The following B3GALT1 variants were observed in gnomAD, a reference collection of about 807,000 sequenced individuals.
B3GALT1 encodes the protein UDP-Gal:betaGlcNAc beta 1,3-galactosyltransferase, polypeptide 1.
A neutral mutation model predicts 23.2 loss-of-function variants in B3GALT1; 10 were observed. That is an observed-to-expected ratio of 0.43 (90% CI 0.27 to 0.73). The LOEUF (loss-of-function observed/expected upper bound fraction) is 0.73, where lower values mean the gene tolerates loss of function less well. B3GALT1 is among the 30% of genes least tolerant of loss of function. The pLI is 0.21. For missense variants in B3GALT1, 299 were observed against 405.4 expected, an observed-to-expected ratio of 0.74 and a Z score of 2.25; for synonymous variants, 156 against 141.5, an observed-to-expected ratio of 1.10 and a Z score of -0.73.
At chr2:167,389,009 CT>C (rs560260144) in intron 1 of B3GALT1, among the ~76,000 whole-genome samples, 2 of 152,096 alleles carry the variant, frequency 1.3e-5, no homozygotes, top group East Asian at 1.9e-4. Flanking sequence ...TGTAAATTAT[CT>C]TTTTTTTCCT....
chr2:167,494,592 A>T (rs923887205), intron 2 of B3GALT1, among the ~76,000 whole-genome samples: 2 of 152,198 alleles, frequency 1.3e-5, no homozygotes, highest in Admixed American at 1.3e-4. Flanking sequence ...AATTTCAGGT[A>T]GTTTTAATTC....
chr2:167,304,771 A>T (rs1420988312), intron 1 of B3GALT1, among the ~76,000 whole-genome samples: 2 of 152,148 alleles, frequency 1.3e-5, no homozygotes, highest in African/African-American at 4.8e-5. Flanking sequence ...GGGACCAAGA[A>T]TTCTCATAAT....
chr2:167,666,255 C>T (rs145853595), intron 3 of B3GALT1, among the ~76,000 whole-genome samples: 63,867 of 151,948 alleles, frequency 0.42, 14,760 homozygotes, highest in Non-Finnish European at 0.51. Context: ...TGTAGTTGAG[C>T]GGTTTTGAGT....
At chr2:167,653,707 G>A (rs1418177890) in intron 3 of B3GALT1, among the ~76,000 whole-genome samples, 1 of 152,082 alleles carries the variant, frequency 6.6e-6, no homozygotes, top group East Asian at 1.9e-4. Context: ...ACCCAGTGTC[G>A]AGGGTCTATG....
intron 3 of B3GALT1, among the ~76,000 whole-genome samples, chr2:167,738,469 C>T (rs560618794): frequency 2.6e-5 from 4 of 152,272 alleles, no homozygotes; most frequent in African/African-American, 9.6e-5. Context: ...AAGGTGGAAT[C>T]AGTTTCATCT....
chr2:167,415,564 G>A (rs1243182691), intron 1 of B3GALT1, among the ~76,000 whole-genome samples: 2 of 152,182 alleles, frequency 1.3e-5, no homozygotes, highest in African/African-American at 4.8e-5. Flanking sequence ...GTAATGGGCT[G>A]CAGCTACAGG....
Position 167,869,020 on chromosome 2 carries a change from A to G in B3GALT1, c.-20A>G. ...GGAGGCGTATTCTTCAATATTTGGAATAGACGTGTTCTCAAGACAATGGCT... is the reference window on the plus strand; with the variant it reads ...GGAGGCGTATTCTTCAATATTTGGAGTAGACGTGTTCTCAAGACAATGGCT... On this transcript the variant is annotated 5_prime_UTR_variant, in exon 5 of 5. Coordinates refer to ENST00000392690, the MANE Select transcript of B3GALT1 (RefSeq NM_020981.4). The surrounding 1 kb of genome is among the most constrained non-coding windows in gnomAD (Gnocchi z 6.4). 1 of 1,570,722 alleles carries G rather than the reference A, an allele frequency of 6.4e-7. No individual in the cohort carries two copies. The highest frequency in any genetic ancestry group is 8.6e-7 in the Non-Finnish European group (1 of 1,159,680).
At chr2:167,393,001 G>A (rs191627013) in intron 1 of B3GALT1, among the ~76,000 whole-genome samples, 4 of 152,154 alleles carry the variant, frequency 2.6e-5, no homozygotes, top group Admixed American at 6.5e-5. Context: ...TTGGGAGGCC[G>A]AGGCGGGTGG....
intron 2 of B3GALT1, among the ~76,000 whole-genome samples, chr2:167,626,027 A>G (rs1158340910): frequency 6.8e-6 from 1 of 147,100 alleles, no homozygotes; most frequent in Admixed American, 6.8e-5. Context: ...CTCCAAAACA[A>G]TTTCACTTTG....
chr2:167,816,002 T>C (rs1024462079), intron 3 of B3GALT1, among the ~76,000 whole-genome samples: 1 of 152,228 alleles, frequency 6.6e-6, no homozygotes, highest in African/African-American at 2.4e-5. Context: ...TGAATGTAGA[T>C]GCATTTTATA....
In B3GALT1 at chr2:167,818,018, C is replaced by T. The variant is rs544886561; in HGVS notation, c.-351-654C>T. 3.9e-5 allele frequency among the ~76,000 whole-genome samples: 6 copies of T among 152,206 alleles called. No homozygotes were observed. In the South Asian group the frequency reaches 1.2e-3, roughly 32 times the overall value. On this transcript the variant is annotated intron_variant, in intron 3 of 4. Transcript: ENST00000392690. ...CCGTGAATGAACCAAATGTCTTTGC[C>T]CAAAGGCAGCTTCAGCCCTCTGGAC...
Position 167,837,774 on chromosome 2 carries a change from G to C in B3GALT1, c.-230+18981G>C, listed in dbSNP as rs561055890. The stretch of plus-strand genomic sequence containing the variant: ...TATTCCAAAATTGACCACATAGTTG[G>C]AAGTAAAGCTCTCCTCAGCAAATGT... On this transcript the variant is annotated intron_variant, in intron 4 of 4. Transcript: ENST00000392690. Among the ~76,000 whole-genome samples the C allele has an allele frequency of 1.7e-4, 26 of 149,090 alleles. No individual in the cohort carries two copies. In the South Asian group the frequency reaches 5.4e-3, roughly 31 times the overall value.
chr2:167,682,669 G>A (rs538516551), intron 3 of B3GALT1, among the ~76,000 whole-genome samples: 1 of 152,286 alleles, frequency 6.6e-6, no homozygotes, highest in African/African-American at 2.4e-5. Context: ...TGGCTGGGGT[G>A]CCCTCTGTCC....
Position 167,624,464 on chromosome 2 carries a change from G to A in B3GALT1, c.-409-22445G>A, listed in dbSNP as rs569960003. 3.3e-5 allele frequency among the ~76,000 whole-genome samples: 5 copies of A among 152,154 alleles called. No individual in the cohort carries two copies. The East Asian group carries it at 9.7e-4, about 30-fold the overall frequency. On this transcript the variant is annotated intron_variant, in intron 2 of 4. Coordinates refer to ENST00000392690, the MANE Select transcript of B3GALT1 (RefSeq NM_020981.4). ...TCAAAACAGTTCATCTATGTTACAT[G>A]CCAGCACTGTGCTAAGCATTTTACA...
rs374514723 is a variant in B3GALT1 at position 167,622,127 on chromosome 2, A to G, written c.-409-24782A>G. ...GCAGTAGTTCAGTATTGTTCACATA[A>G]TCTCCTCCACATGTCTGTGTTCTTG... On this transcript the variant is annotated intron_variant, in intron 2 of 4. Coordinates refer to ENST00000392690, the MANE Select transcript of B3GALT1 (RefSeq NM_020981.4). 1.3e-4 allele frequency among the ~76,000 whole-genome samples: 20 copies of G among 152,152 alleles called. 1 individual carries two copies. In the South Asian group the frequency reaches 1.7e-3, roughly 13 times the overall value.
chr2:167,443,760 A>G (rs1374544488), intron 1 of B3GALT1, among the ~76,000 whole-genome samples: 1 of 152,222 alleles, frequency 6.6e-6, no homozygotes, highest in South Asian at 2.1e-4. Flanking sequence ...GCTTAAGGAG[A>G]TTTTGGGCTG....
intron 1 of B3GALT1, among the ~76,000 whole-genome samples, chr2:167,324,639 C>T (rs982580416): frequency 3.3e-5 from 5 of 152,028 alleles, no homozygotes; most frequent in Admixed American, 6.5e-5. Flanking sequence ...AATTTTGTTA[C>T]GTACATAGAT....
rs1690354625 is a variant in B3GALT1 at position 167,871,856 on chromosome 2, C to CA, written c.*1837dup. The CA allele has an allele frequency of 4.0e-5, 6 of 151,240 alleles. 1 individual carries two copies. The highest frequency in any genetic ancestry group is 1.5e-4 in the African/African-American group (6 of 41,250). 9.4% of individuals were successfully genotyped at this position (151,240 alleles called of 1,614,324 possible). ...ACCTGTTTGTTCTCAAAGAAAGCCCCACAGCTGAAAGAGTGTACCTTTTTT... is the reference window on the plus strand; with the variant it reads ...ACCTGTTTGTTCTCAAAGAAAGCCCCAACAGCTGAAAGAGTGTACCTTTTTT... On this transcript the variant is annotated 3_prime_UTR_variant, in exon 5 of 5. Transcript: ENST00000392690.
At chr2:167,667,127 C>T (rs565006363) in intron 3 of B3GALT1, among the ~76,000 whole-genome samples, 45 of 152,046 alleles carry the variant, frequency 3.0e-4, no homozygotes, top group African/African-American at 8.2e-4. Context: ...CCTTCAGGAG[C>T]TCTTTTAGGG....
Sources: gnomAD v4.1 joint callset for allele counts (sites outside exome capture counted in the v4.1 genomes callset) on GRCh38, gnomAD v4.1.1 for gene constraint, Gnocchi (gnomAD v3.1) non-coding constraint, MANE v1.5 for transcripts, NCBI Gene and HGNC (gene_info 2026-07-23, HGNC 2026-07-21) for gene names.